The following ATG7 variants were observed in gnomAD, a reference collection of about 807,000 sequenced individuals.
ATG7 encodes autophagy related 7.
In ATG7, 70 loss-of-function variants were observed where a neutral mutation model predicts 82.4. That is an observed-to-expected ratio of 0.85 (90% confidence interval 0.70 to 1.04). The LOEUF (loss-of-function observed/expected upper bound fraction) is 1.04. Ranked by LOEUF, ATG7 falls within the 50% of genes least tolerant of loss-of-function variation. The pLI is 0.00. For missense variants in ATG7, 792 were observed against 864.3 expected (o/e 0.92, Z 1.05); for synonymous variants, 287 against 313.0 (o/e 0.92, Z 0.88).
chr3:11,344,877 G>A (rs57318684), intron 13 of ATG7, among the ~76,000 whole-genome samples: 3,517 of 151,982 alleles, frequency 0.023, 135 homozygotes, highest in African/African-American at 0.078. Context: ...TCAATCAACC[G>A]ATCAATTAAC....
intron 19 of ATG7, among the ~76,000 whole-genome samples, chr3:11,401,675 C>G (rs2079848881): frequency 6.6e-6 from 1 of 152,172 alleles, no homozygotes; most frequent in Non-Finnish European, 1.5e-5. Flanking sequence ...ATAAGCCATT[C>G]TGTGCATAAG....
intron 20 of ATG7, among the ~76,000 whole-genome samples, chr3:11,466,766 A>T (rs1300204012): frequency 1.3e-5 from 2 of 152,228 alleles, no homozygotes; most frequent in Admixed American, 6.5e-5. Flanking sequence ...TCAGAATGAC[A>T]GCTTGTAGTA....
chr3:11,409,775 C>CTT lies in ATG7; in HGVS notation c.1957-17016_1957-17015dup, dbSNP rs36100546. The stretch of plus-strand genomic sequence containing the variant: ...GGGGTGTAAGGTGTGTGTCTAGATT[C>CTT]TTTTTTTTTTTTTTCCATGTGGTTG... On this transcript the variant is annotated intron_variant, in intron 19 of 20. Transcript: ENST00000693202. 5.9e-3 allele frequency among the ~76,000 whole-genome samples: 853 copies of CTT among 144,364 alleles called. 7 individuals carry two copies. Among genetic ancestry groups the CTT allele is most frequent in the African/African-American group, 9.4e-3 (370 of 39,566 alleles). 94.7% of individuals were successfully genotyped at this position (144,364 alleles called of 152,430 possible).
At chr3:11,486,058 G>C (rs567636572) in intron 20 of ATG7, among the ~76,000 whole-genome samples, 2 of 152,296 alleles carry the variant, frequency 1.3e-5, no homozygotes, top group East Asian at 3.9e-4. Flanking sequence ...CTTTTAAGTA[G>C]TTTTTTCCAA....
intron 20 of ATG7, among the ~76,000 whole-genome samples, chr3:11,476,935 C>T (rs2088320228): frequency 6.6e-6 from 1 of 152,212 alleles, no homozygotes; most frequent in South Asian, 2.1e-4. Context: ...CCCTCTTTCC[C>T]TTTAAGCAAA....
Position 11,392,471 on chromosome 3 carries a change from C to CAAAAA in ATG7, c.1956+12423_1956+12427dup, listed in dbSNP as rs386395940. ...TTGGGGAAATCATTAAAAAAACAAACAAAAAAAACAAAACAAAACAAAAAA... is the reference window on the plus strand; with the variant it reads ...TTGGGGAAATCATTAAAAAAACAAACAAAAAAAAAAAAACAAAACAAAACAAAAAA... On this transcript the variant is annotated intron_variant, in intron 19 of 20. Coordinates refer to ENST00000693202, the MANE Select transcript of ATG7 (RefSeq NM_001349232.2). 5.8e-3 allele frequency among the ~76,000 whole-genome samples: 864 copies of CAAAAA among 149,290 alleles called. 7 individuals carry two copies. Among genetic ancestry groups the CAAAAA allele is most frequent in the Non-Finnish European group, 6.3e-3 (423 of 67,200 alleles).
chr3:11,558,452 CT>C, downstream of ATG7: 1 of 1,355,794 alleles, frequency 7.4e-7, no homozygotes. Context: ...CATCCCTTCC[CT>C]TCCCCCCACC....
chr3:11,365,172 G>T (rs2076519032), intron 18 of ATG7, among the ~76,000 whole-genome samples: 1 of 152,178 alleles, frequency 6.6e-6, no homozygotes, highest in Non-Finnish European at 1.5e-5. Context: ...ATTATGGATG[G>T]TTGCTAGAAA....
chr3:11,382,282 A>C (rs2077962687), intron 19 of ATG7, among the ~76,000 whole-genome samples: 1 of 152,220 alleles, frequency 6.6e-6, no homozygotes, highest in African/African-American at 2.4e-5. Flanking sequence ...ATACACATAT[A>C]TATAGAGAGA....
At chr3:11,280,521 C>T (rs1217309004) in intron 1 of ATG7, among the ~76,000 whole-genome samples, 1 of 152,156 alleles carries the variant, frequency 6.6e-6, no homozygotes, top group Admixed American at 6.5e-5. Flanking sequence ...GACCATCTGC[C>T]TTGTCCAGTT....
intron 20 of ATG7, among the ~76,000 whole-genome samples, chr3:11,482,935 G>A (rs2089183501): frequency 6.6e-6 from 1 of 151,454 alleles, no homozygotes. Context: ...GACTTGAGAA[G>A]CCCCCCCTTG....
At chr3:11,291,016 G>A (rs946323658) in intron 3 of ATG7, among the ~76,000 whole-genome samples, 1 of 152,110 alleles carries the variant, frequency 6.6e-6, no homozygotes. Context: ...ATCCTTAGTC[G>A]CTTTTACCCA....
At position 11,556,113 on chromosome 3, in the gene ATG7, T is replaced by A. The variant is rs1195665521; in HGVS notation, c.*1270T>A. 3.3e-5 allele frequency: 5 copies of A among 152,296 alleles called. No homozygotes were observed. Among genetic ancestry groups the A allele is most frequent in the African/African-American group, 1.2e-4 (5 of 41,256 alleles). The allele number at this position is 152,296 out of a possible 1,614,324, so 9.4% of individuals were successfully genotyped here. A position where few individuals can be genotyped will look rare whatever the true frequency, so the allele number is the denominator to read the frequency against. On this transcript the variant is annotated 3_prime_UTR_variant, in exon 21 of 21. Coordinates refer to ENST00000693202, the MANE Select transcript of ATG7 (RefSeq NM_001349232.2). The stretch of plus-strand genomic sequence containing the variant: ...TATTGTTCTTAAGGCTACTTTTAAG[T>A]ACAAAAAAAGATGGCCTGCCAAACC...
chr3:11,360,835 A>G lies in ATG7; in HGVS notation c.1683+51A>G, dbSNP rs779749074. 9 of 1,573,716 alleles carry G rather than the reference A, an allele frequency of 5.7e-6. No homozygotes were observed. The Admixed American group carries it at 6.8e-5, about 12-fold the overall frequency. ...AATATTTCCTATCACCAACTTGTAC[A>G]CTGAGGCAGACCGACTTGGCCCTTT... On this transcript the variant is annotated intron_variant, in intron 16 of 20. Transcript: ENST00000693202.
chr3:11,489,568 TA>T (rs1195626524), intron 20 of ATG7, among the ~76,000 whole-genome samples: 1 of 144,244 alleles, frequency 6.9e-6, no homozygotes, highest in African/African-American at 2.6e-5. Context: ...ATTGTGATGT[TA>T]GGGTGTCAAT....
At chr3:11,541,462 A>C (rs2070828136) in intron 20 of ATG7, among the ~76,000 whole-genome samples, 1 of 152,168 alleles carries the variant, frequency 6.6e-6, no homozygotes, top group African/African-American at 2.4e-5. Context: ...GAAGCTTTAT[A>C]GAGTCAGTGG....
chr3:11,429,286 A>C (rs1490548049), intron 20 of ATG7, among the ~76,000 whole-genome samples: 1 of 152,110 alleles, frequency 6.6e-6, no homozygotes, highest in Non-Finnish European at 1.5e-5. Context: ...ACCTGAGGTC[A>C]GGAGTTTGAG....
chr3:11,403,270 A>G (rs1182501795), intron 19 of ATG7, among the ~76,000 whole-genome samples: 1 of 152,154 alleles, frequency 6.6e-6, no homozygotes, highest in Non-Finnish European at 1.5e-5. Flanking sequence ...GAGTGCGGAG[A>G]GGAAGTCCTC....
At chr3:11,558,159 C>A, downstream of ATG7, 1 of 250,982 alleles carries the variant, frequency 4.0e-6, no homozygotes, top group Non-Finnish European at 7.7e-6. Flanking sequence ...CTGAGCCACA[C>A]ACACCCCGGT....
Sources: allele counts gnomAD v4.1 joint callset (sites outside exome capture counted in the v4.1 genomes callset), GRCh38; gene constraint gnomAD v4.1.1; transcripts MANE v1.5; gene names NCBI Gene and HGNC (gene_info 2026-07-23, HGNC 2026-07-21).